MYL12B: variants seen among roughly 807,000 people sequenced by gnomAD.
MYL12B encodes myosin regulatory light chain 12B.
Under a neutral mutation model 12.9 loss-of-function variants are expected in MYL12B, and 3 were observed. The ratio of observed to expected loss-of-function variants is 0.23; its 90% CI spans 0.11 to 0.60. MYL12B has a LOEUF of 0.60. Among genes scored for constraint, MYL12B ranks in the 20% least tolerant of loss-of-function variants. MYL12B has a pLI of 0.89. For synonymous variants in MYL12B, 57 were observed against 71.9 expected (o/e 0.79, Z 1.05); for missense variants, 120 against 215.4 (o/e 0.56, Z 2.77).
In MYL12B at chr18:3,270,883, G is replaced by A. The variant is rs138321377; in HGVS notation, c.-15-2001G>A. Among the ~76,000 whole-genome samples the A allele has an allele frequency of 7.2e-3, 1,099 of 152,212 alleles. 7 individuals are homozygous for A. The highest frequency in any genetic ancestry group is 0.024 in the Middle Eastern group (7 of 294). ...GACAGAGTATCACTTTGTTGCCCAG[G>A]CCTATCTCAAATTCCTGGGCTCAAG... On this transcript the variant is annotated intron_variant, in intron 1 of 3. Transcript: ENST00000237500.
chr18:3,271,386 A>G (rs1485894360), intron 1 of MYL12B, among the ~76,000 whole-genome samples: 2 of 152,222 alleles, frequency 1.3e-5, no homozygotes, highest in East Asian at 1.9e-4. Flanking sequence ...CCAAGCTTCA[A>G]AACACCCTGT....
At chr18:3,262,600 C>G (rs568106022) in intron 1 of MYL12B, 1 of 152,374 alleles carries the variant, frequency 6.6e-6, no homozygotes, top group African/African-American at 2.4e-5. Context: ...CCCGGCTGCC[C>G]GGCGGCCAAC....
chr18:3,269,399 A>C (rs1039664037), intron 1 of MYL12B, among the ~76,000 whole-genome samples: 2 of 152,142 alleles, frequency 1.3e-5, no homozygotes, highest in Admixed American at 1.3e-4. Flanking sequence ...GAGGAAGATG[A>C]GCAACTCTGA....
chr18:3,277,653 T>TTA (rs1344548289), intron 3 of MYL12B, 112 bp from the exon 4 acceptor site: 2 of 1,366,348 alleles, frequency 1.5e-6, no homozygotes, highest in African/African-American at 2.9e-5. Flanking sequence ...CTTACTTTGT[T>TTA]TATAGATATG....
In MYL12B at chr18:3,264,129, T is replaced by A. The variant is rs74573445; in HGVS notation, c.-16+1892T>A. ...GGTAGCTACTAAGTTTCCTTAGGGA[T>A]CTCTTGGGGAAGAGACTGGAACCAT... On this transcript the variant is annotated intron_variant, in intron 1 of 3. Coordinates refer to ENST00000237500, the MANE Select transcript of MYL12B (RefSeq NM_033546.4). 6.8e-3 allele frequency among the ~76,000 whole-genome samples: 1,040 copies of A among 152,252 alleles called. 16 individuals carry two copies. Among genetic ancestry groups the A allele is most frequent in the African/African-American group, 0.024 (1,003 of 41,536 alleles).
At chr18:3,263,872 G>A (rs956255705) in intron 1 of MYL12B, among the ~76,000 whole-genome samples, 16 of 152,188 alleles carry the variant, frequency 1.1e-4, no homozygotes, top group African/African-American at 3.6e-4. Flanking sequence ...TAGATTTCCT[G>A]AGTACAGATC....
intron 2 of MYL12B, chr18:3,276,458 A>G: frequency 1.0e-6 from 1 of 984,934 alleles, no homozygotes; most frequent in Non-Finnish European, 1.2e-6. Flanking sequence ...AGAAGTGTTC[A>G]CACTTGGAAT....
intron 1 of MYL12B, among the ~76,000 whole-genome samples, chr18:3,265,844 A>G (rs74387090): frequency 8.7e-4 from 133 of 152,172 alleles, no homozygotes; most frequent in Non-Finnish European, 1.4e-3. Flanking sequence ...ATGTTGAGGA[A>G]GGGTGACTCG....
At chr18:3,276,907 A>C in intron 2 of MYL12B, 4 of 946,998 alleles carry the variant, frequency 4.2e-6, no homozygotes, top group Non-Finnish European at 4.9e-6. Context: ...ATGGTGGCAC[A>C]TGCCTATAGT....
intron 1 of MYL12B, chr18:3,262,650 T>C (rs1178305150): frequency 1.3e-5 from 2 of 152,228 alleles, no homozygotes; most frequent in African/African-American, 4.8e-5. Context: ...TGGCGGTGGA[T>C]TGGGGCCGAC....
At chr18:3,273,860 T>TTTTC (rs1232535939) in intron 2 of MYL12B, among the ~76,000 whole-genome samples, 2,759 of 107,976 alleles carry the variant, frequency 0.026, 98 homozygotes, top group African/African-American at 0.066. Flanking sequence ...GGTTTTTTTT[T>TTTTC]TCTCTCTTTT....
At chr18:3,269,459 G>C (rs903355339) in intron 1 of MYL12B, among the ~76,000 whole-genome samples, 1 of 152,192 alleles carries the variant, frequency 6.6e-6, no homozygotes, top group Non-Finnish European at 1.5e-5. Context: ...AGGGATTGGG[G>C]AGGGTGACTC....
chr18:3,267,665 A>G (rs569259169), intron 1 of MYL12B, among the ~76,000 whole-genome samples: 14 of 152,182 alleles, frequency 9.2e-5, no homozygotes, highest in Non-Finnish European at 1.9e-4. Flanking sequence ...TCATTCACAT[A>G]ATTTTTATTA....
At chr18:3,267,926 C>T (rs1334782548) in intron 1 of MYL12B, among the ~76,000 whole-genome samples, 2 of 152,170 alleles carry the variant, frequency 1.3e-5, no homozygotes, top group Non-Finnish European at 2.9e-5. Context: ...TTTAAATCAT[C>T]TCTAGATTGC....
intron 1 of MYL12B, among the ~76,000 whole-genome samples, chr18:3,267,852 C>T (rs2081646162): frequency 6.6e-6 from 1 of 152,186 alleles, no homozygotes; most frequent in African/African-American, 2.4e-5. Flanking sequence ...TCTGCAGATG[C>T]TCAAGTCTCC....
intron 1 of MYL12B, among the ~76,000 whole-genome samples, chr18:3,271,031 T>A (rs1022966541): frequency 2.6e-5 from 4 of 152,214 alleles, no homozygotes; most frequent in African/African-American, 9.6e-5. Context: ...ATAACTCGAT[T>A]ACAAAAATTA....
chr18:3,269,106 G>A (rs1178801393), intron 1 of MYL12B, among the ~76,000 whole-genome samples: 2 of 152,162 alleles, frequency 1.3e-5, no homozygotes, highest in Non-Finnish European at 2.9e-5. Context: ...GTACAAAGCA[G>A]GGAATGGCTA....
chr18:3,262,381 G>A (rs4133582), intron 1 of MYL12B, 144 bp downstream of exon 1: 86,283 of 152,014 alleles, frequency 0.57, 26,838 homozygotes, highest in Admixed American at 0.69. Context: ...GCTGAGAAGG[G>A]GGCGCGGGGC....
At chr18:3,271,042 CT>C (rs2081674798) in intron 1 of MYL12B, among the ~76,000 whole-genome samples, 1 of 152,176 alleles carries the variant, frequency 6.6e-6, no homozygotes, top group Admixed American at 6.6e-5. Context: ...ACAAAAATTA[CT>C]TGCTGATACT....
Sources: allele counts gnomAD v4.1 joint callset (sites outside exome capture counted in the v4.1 genomes callset), GRCh38; gene constraint gnomAD v4.1.1; transcripts MANE v1.5; gene names NCBI Gene and HGNC (gene_info 2026-07-23, HGNC 2026-07-21).